Variants in KAZN observed in about 807,000 individuals in gnomAD.
The protein encoded by KAZN is kazrin, periplakin interacting protein.
Under a neutral mutation model 87.4 loss-of-function variants are expected in KAZN, and 40 were observed. The ratio of observed to expected loss-of-function variants is 0.46; its 90% CI spans 0.36 to 0.60. KAZN has a LOEUF of 0.60. Ranked by LOEUF, KAZN falls within the 20% of genes least tolerant of loss-of-function variation. KAZN has a pLI of 0.00. For synonymous variants in KAZN, 466 were observed against 458.3 expected (o/e 1.02, Z -0.22); for missense variants, 898 against 1,073.9 (o/e 0.84, Z 2.29).
chr1:13,904,122 T>C (rs1303988818), intron 1 of KAZN, among the ~76,000 whole-genome samples: 2 of 152,062 alleles, frequency 1.3e-5, no homozygotes, highest in African/African-American at 4.8e-5. Context: ...TCTGAAAGGC[T>C]GGGTAGAGGG....
At chr1:14,536,305 G>A (rs192154994) in intron 2 of KAZN, among the ~76,000 whole-genome samples, 5 of 152,206 alleles carry the variant, frequency 3.3e-5, no homozygotes, top group East Asian at 1.9e-4. Flanking sequence ...GGGTCTGCCC[G>A]TGCAAGACAG....
At chr1:14,589,985 T>C (rs1322763509) in intron 2 of KAZN, among the ~76,000 whole-genome samples, 1 of 151,992 alleles carries the variant, frequency 6.6e-6, no homozygotes, top group African/African-American at 2.4e-5. Context: ...TTTAGTTAAA[T>C]AAATAAATGT....
intron 1 of KAZN, among the ~76,000 whole-genome samples, chr1:14,100,354 C>T (rs1644222385): frequency 6.6e-6 from 1 of 152,158 alleles, no homozygotes. Flanking sequence ...GTCCCCAGGA[C>T]CACCCCCAAG....
chr1:15,013,096 G>C (rs575594941), intron 2 of KAZN, among the ~76,000 whole-genome samples: 1 of 152,236 alleles, frequency 6.6e-6, no homozygotes, highest in Admixed American at 6.5e-5. Flanking sequence ...CCCCAGACAC[G>C]CCAGGTTTCC....
intron 1 of KAZN, among the ~76,000 whole-genome samples, chr1:14,870,298 A>G (rs1385415673): frequency 6.6e-6 from 1 of 152,216 alleles, no homozygotes; most frequent in African/African-American, 2.4e-5. Flanking sequence ...GACTTTGAAC[A>G]AATGGCTTAA....
intron 2 of KAZN, among the ~76,000 whole-genome samples, chr1:14,583,723 T>C (rs1476677679): frequency 6.6e-6 from 1 of 152,172 alleles, no homozygotes; most frequent in Non-Finnish European, 1.5e-5. Flanking sequence ...CAGGTGACCC[T>C]GAAGAGGATG....
At chr1:15,063,545 C>A (rs748254519) in intron 6 of KAZN, 27 bp from the exon 7 acceptor site, 2 of 1,608,402 alleles carry the variant, frequency 1.2e-6, no homozygotes, top group Admixed American at 3.3e-5. Context: ...TCTGCTGTTT[C>A]ATCTTCCTCT....
intron 1 of KAZN, among the ~76,000 whole-genome samples, chr1:14,846,689 A>G (rs2100958766): frequency 6.6e-6 from 1 of 152,260 alleles, no homozygotes; most frequent in South Asian, 2.1e-4. Flanking sequence ...CTTGAGAATC[A>G]GGGGGGAGTT....
chr1:14,554,790 A>G (rs1673758051), intron 2 of KAZN, among the ~76,000 whole-genome samples: 1 of 152,156 alleles, frequency 6.6e-6, no homozygotes, highest in Non-Finnish European at 1.5e-5. Context: ...ATCCTCTCCT[A>G]TTTTCCTAGA....
rs201523239 is a variant in KAZN, at chr1:14,000,782, A to ATT, written c.91+107033_91+107034dup. Among the ~76,000 whole-genome samples, 1,276 of 150,562 alleles carry ATT rather than the reference A, an allele frequency of 8.5e-3. 20 individuals carry two copies. Among genetic ancestry groups the ATT allele is most frequent in the Middle Eastern group, 0.028 (8 of 286 alleles). On this transcript the variant is annotated intron_variant, in intron 1 of 16. Coordinates refer to the KAZN transcript ENST00000636203. ...ATTGTCTCTGTTTGCAGATGACATG[A>ATT]TTTTTTTTGTTTGTTTTTGAGACGG... is the stretch of plus-strand genomic sequence containing the variant.
At chr1:14,502,281 A>G (rs1260545130) in intron 2 of KAZN, among the ~76,000 whole-genome samples, 1 of 152,136 alleles carries the variant, frequency 6.6e-6, no homozygotes, top group Non-Finnish European at 1.5e-5. Context: ...CAGACTGAAG[A>G]GTCTTGATAT....
rs577600120 is a variant in KAZN at position 15,099,334 on chromosome 1, A to G, written c.1548-2209A>G. Among the ~76,000 whole-genome samples the G allele has an allele frequency of 3.6e-4, 55 of 152,350 alleles. No homozygotes were observed. The highest frequency in any genetic ancestry group is 5.9e-4 in the Non-Finnish European group (40 of 68,030). On this transcript the variant is annotated intron_variant, in intron 10 of 14. Transcript: ENST00000376030. The surrounding 1 kb of genome is among the most constrained non-coding windows in gnomAD (Gnocchi z 5.4). ...CTGTCCTGAATGAGCTTATCTGCTA[A>G]GGTGGGGAAGAGAGAAAATAAATTA...
intron 2 of KAZN, among the ~76,000 whole-genome samples, chr1:14,380,084 T>G (rs1207598509): frequency 6.6e-6 from 1 of 152,232 alleles, no homozygotes; most frequent in Non-Finnish European, 1.5e-5. Flanking sequence ...TGCCTGGTAA[T>G]CCAGAGAATT....
At chr1:14,300,980 T>C (rs1011987008) in intron 2 of KAZN, among the ~76,000 whole-genome samples, 5 of 151,946 alleles carry the variant, frequency 3.3e-5, no homozygotes, top group Non-Finnish European at 5.9e-5. Context: ...GCTCTCAGAG[T>C]CTTGGGAAAG....
At chr1:14,954,513 C>A (rs1336150750) in intron 1 of KAZN, among the ~76,000 whole-genome samples, 2 of 152,262 alleles carry the variant, frequency 1.3e-5, no homozygotes, top group African/African-American at 4.8e-5. Context: ...ATCTCACACC[C>A]TCTAGCCCAG....
chr1:14,264,745 C>T (rs1557603144), intron 2 of KAZN, among the ~76,000 whole-genome samples: 4 of 152,316 alleles, frequency 2.6e-5, no homozygotes, highest in East Asian at 1.9e-4. Context: ...AAACAGACTA[C>T]GACAGTGGAT....
At chr1:14,778,574 T>C (rs1008170119) in intron 1 of KAZN, among the ~76,000 whole-genome samples, 1 of 152,120 alleles carries the variant, frequency 6.6e-6, no homozygotes, top group Admixed American at 6.5e-5. Flanking sequence ...TTTTTATTTC[T>C]CAGTACTAAT....
chr1:14,589,815 G>A (rs1270265147), intron 2 of KAZN, among the ~76,000 whole-genome samples: 4 of 152,088 alleles, frequency 2.6e-5, no homozygotes, highest in African/African-American at 7.2e-5. Context: ...ATATTTGGGG[G>A]AGAAAGTACT....
At chr1:14,393,717 T>C (rs1178424229) in intron 2 of KAZN, among the ~76,000 whole-genome samples, 5 of 151,822 alleles carry the variant, frequency 3.3e-5, no homozygotes, top group South Asian at 4.2e-4. Context: ...TCAGAGAGAA[T>C]TGCTATTTCT....
Sources: allele counts gnomAD v4.1 joint callset (sites outside exome capture counted in the v4.1 genomes callset), GRCh38; gene constraint gnomAD v4.1.1; non-coding constraint Gnocchi (gnomAD v3.1); transcripts MANE v1.5; gene names NCBI Gene and HGNC (gene_info 2026-07-23, HGNC 2026-07-21).